PALM2AKAP2: variants seen among roughly 807,000 people sequenced by gnomAD.
PALM2AKAP2 encodes PALM2 and AKAP2 fusion, also known as PALM2-AKAP2 fusion protein.
A neutral mutation model predicts 71.5 loss-of-function variants in PALM2AKAP2; 37 were observed. The ratio of observed to expected loss-of-function variants is 0.52; its 90% CI spans 0.40 to 0.68. The LOEUF (loss-of-function observed/expected upper bound fraction) is 0.68, where lower values mean the gene tolerates loss of function less well. Among genes scored for constraint, PALM2AKAP2 ranks in the 30% least tolerant of loss-of-function variants. The probability of loss-of-function intolerance (pLI) is 0.00; values close to 1 mark genes in which losing one functional copy is unlikely to be tolerated. For synonymous variants in PALM2AKAP2, 468 were observed against 478.8 expected (o/e 0.98, Z 0.29); for missense variants, 1,224 against 1,191.8 (o/e 1.03, Z -0.40).
At chr9:109,764,316 A>T (rs1294175338) in intron 1 of PALM2AKAP2, among the ~76,000 whole-genome samples, 6 of 147,898 alleles carry the variant, frequency 4.1e-5, no homozygotes, top group Admixed American at 1.4e-4. Context: ...ACCCCCCTCC[A>T]TCTTGTACAT....
intron 3 of PALM2AKAP2, among the ~76,000 whole-genome samples, chr9:109,882,216 C>T (rs1202136442): frequency 6.6e-6 from 1 of 152,092 alleles, no homozygotes; most frequent in East Asian, 1.9e-4. Flanking sequence ...AATAGCTAAG[C>T]TGCTACCAGC....
intron 1 of PALM2AKAP2, among the ~76,000 whole-genome samples, chr9:110,101,115 C>T (rs1179553029): frequency 6.6e-6 from 1 of 152,264 alleles, no homozygotes; most frequent in African/African-American, 2.4e-5. Context: ...GGTCTTGAGA[C>T]CAAGCCTCTG....
intron 1 of PALM2AKAP2, among the ~76,000 whole-genome samples, chr9:109,697,889 C>T (rs1827995610): frequency 1.3e-5 from 2 of 152,142 alleles, no homozygotes; most frequent in African/African-American, 4.8e-5. Context: ...AGTTTAATTA[C>T]CATTCATTTT....
At chr9:109,696,880 T>C (rs186157686) in intron 1 of PALM2AKAP2, among the ~76,000 whole-genome samples, 4 of 152,098 alleles carry the variant, frequency 2.6e-5, no homozygotes, top group African/African-American at 7.2e-5. Flanking sequence ...ACAAAGCCAA[T>C]ATCTATTGTA....
chr9:109,692,128 C>T (rs544345217), intron 1 of PALM2AKAP2, among the ~76,000 whole-genome samples: 1 of 148,540 alleles, frequency 6.7e-6, no homozygotes, highest in South Asian at 2.2e-4. Context: ...AAAATTTATC[C>T]CTGTAAAGTA....
intron 1 of PALM2AKAP2, among the ~76,000 whole-genome samples, chr9:109,857,380 G>A (rs529247125): frequency 4.6e-5 from 7 of 152,350 alleles, no homozygotes; most frequent in East Asian, 3.9e-4. Context: ...TGAAAGAAAT[G>A]AATATATTGG....
intron 1 of PALM2AKAP2, among the ~76,000 whole-genome samples, chr9:109,751,531 A>G (rs1408210220): frequency 1.3e-5 from 2 of 152,150 alleles, no homozygotes; most frequent in Non-Finnish European, 2.9e-5. Context: ...TTTCACTCCT[A>G]AAAGTCATAT....
intron 1 of PALM2AKAP2, among the ~76,000 whole-genome samples, chr9:109,744,113 A>G (rs771692510): frequency 1.3e-5 from 2 of 152,210 alleles, no homozygotes; most frequent in Non-Finnish European, 2.9e-5. Context: ...TCAACAAATA[A>G]CTGAACTAAA....
intron 1 of PALM2AKAP2, chr9:109,640,980 C>T: frequency 7.3e-7 from 1 of 1,371,866 alleles, no homozygotes; most frequent in Non-Finnish European, 9.5e-7. Flanking sequence ...TGTTTAATTT[C>T]AGCCCCGTGT....
intron 1 of PALM2AKAP2, among the ~76,000 whole-genome samples, chr9:110,105,946 T>TAC (rs1171062339): frequency 1.3e-5 from 2 of 152,144 alleles, no homozygotes; most frequent in Non-Finnish European, 2.9e-5. Context: ...GGCTGTTTTA[T>TAC]ATATATATAC....
intron 1 of PALM2AKAP2, among the ~76,000 whole-genome samples, chr9:109,703,272 A>G (rs997399377): frequency 6.6e-6 from 1 of 152,212 alleles, no homozygotes; most frequent in Non-Finnish European, 1.5e-5. Flanking sequence ...AACTTAACAT[A>G]AAAATATTTT....
chr9:110,074,008 C>G (rs1834265914), intron 1 of PALM2AKAP2, among the ~76,000 whole-genome samples: 1 of 152,158 alleles, frequency 6.6e-6, no homozygotes, highest in Admixed American at 6.6e-5. Flanking sequence ...ATAATCAAAT[C>G]TAACACCATT....
At chr9:110,130,882 G>A (rs1351596941) in intron 1 of PALM2AKAP2, among the ~76,000 whole-genome samples, 1 of 152,118 alleles carries the variant, frequency 6.6e-6, no homozygotes, top group Non-Finnish European at 1.5e-5. Context: ...CCAATTTCAC[G>A]GATTTCTAAC....
intron 6 of PALM2AKAP2, among the ~76,000 whole-genome samples, chr9:109,953,112 A>G (rs1173243965): frequency 1.3e-5 from 2 of 152,348 alleles, no homozygotes; most frequent in East Asian, 3.9e-4. Flanking sequence ...GAACCTTATG[A>G]AATTGCCATT....
intron 1 of PALM2AKAP2, among the ~76,000 whole-genome samples, chr9:109,669,267 CT>C (rs61041280): frequency 0.2 from 29,513 of 149,936 alleles, 3,457 homozygotes; most frequent in African/African-American, 0.33. Context: ...TTTGTTTTTC[CT>C]TTTTTTTTCA....
chr9:110,049,819 T>C (rs567915923), intron 1 of PALM2AKAP2, among the ~76,000 whole-genome samples: 1 of 152,336 alleles, frequency 6.6e-6, no homozygotes, highest in Non-Finnish European at 1.5e-5. Context: ...GCTGTGGCGC[T>C]GGTGGCCGGG....
At chr9:110,115,606 G>A (rs2118969255) in intron 1 of PALM2AKAP2, among the ~76,000 whole-genome samples, 1 of 152,356 alleles carries the variant, frequency 6.6e-6, no homozygotes, top group East Asian at 1.9e-4. Context: ...CTGCCAGAGT[G>A]TGTCAGAGTG....
At chr9:109,911,984 A>G (rs1464798903) in intron 3 of PALM2AKAP2, among the ~76,000 whole-genome samples, 1 of 152,184 alleles carries the variant, frequency 6.6e-6, no homozygotes, top group African/African-American at 2.4e-5. Flanking sequence ...GGCTGGGGGA[A>G]TTATGGAAAA....
intron 1 of PALM2AKAP2, among the ~76,000 whole-genome samples, chr9:109,854,069 T>C (rs1052362364): frequency 3.3e-5 from 5 of 152,232 alleles, no homozygotes; most frequent in Admixed American, 2.6e-4. Context: ...GTCTTGCTTA[T>C]TTAATTACCT....
Sources: gnomAD v4.1 joint callset for allele counts (sites outside exome capture counted in the v4.1 genomes callset) on GRCh38, gnomAD v4.1.1 for gene constraint, MANE v1.5 for transcripts, NCBI Gene and HGNC (gene_info 2026-07-23, HGNC 2026-07-21) for gene names.